The following FAM81B variants were observed in gnomAD, a reference collection of about 807,000 sequenced individuals.
FAM81B encodes the protein family with sequence similarity 81 member B.
In FAM81B, 60 loss-of-function variants were observed where a neutral mutation model predicts 58.7. That is an observed-to-expected ratio of 1.02 (90% CI 0.83 to 1.27). The LOEUF is 1.27. Among genes scored for constraint, FAM81B ranks in the 50% most tolerant of loss-of-function variants. The pLI is 0.00. For synonymous variants in FAM81B, 189 were observed against 179.6 expected, an observed-to-expected ratio of 1.05 and a Z score of -0.42; for missense variants, 491 against 522.0, an observed-to-expected ratio of 0.94 and a Z score of 0.58.
At chr5:95,422,339 C>T (rs1762708260) in intron 5 of FAM81B, among the ~76,000 whole-genome samples, 1 of 150,380 alleles carries the variant, frequency 6.6e-6, no homozygotes. Context: ...ATATTTATTT[C>T]ATTAATATTT....
Position 95,423,205 on chromosome 5 carries a change from A to G in FAM81B, c.656+2803A>G, listed in dbSNP as rs142042348. On this transcript the variant is annotated intron_variant, in intron 5 of 9. Transcript: ENST00000283357. ...TTTTACTGCTCCATAAATCAGTCTC[A>G]ATATTTAATAACTACAATGAGATTT... 7.0e-3 allele frequency among the ~76,000 whole-genome samples: 1,073 copies of G among 152,350 alleles called. 6 individuals carry two copies. The highest frequency in any genetic ancestry group is 9.8e-3 in the Non-Finnish European group (665 of 68,016).
intron 7 of FAM81B, among the ~76,000 whole-genome samples, chr5:95,446,165 C>T (rs188438301): frequency 1.7e-4 from 26 of 152,282 alleles, no homozygotes; most frequent in Admixed American, 1.1e-3. Flanking sequence ...TGACAGACAA[C>T]GCCTAGCATG....
Position 95,420,303 on chromosome 5 carries a change from G to A in FAM81B, c.557G>A (p.Arg186Lys). The change falls in exon 5 of 10, where the codon AGA (arginine) becomes AAA (lysine). Residue 186 changes from arginine (R) to lysine (K), a missense_variant. Coordinates refer to ENST00000283357, the MANE Select transcript of FAM81B (RefSeq NM_152548.3). ...QNIEILEDQI[R>K]ARDQAATGTN... is the part of the protein sequence containing the mutation. ...TTACAGATTTTAGAAGACCAAATAA[G>A]AGCTCGAGATCAGGCGGCCACAGGA... The A allele has an allele frequency of 6.2e-7, 1 of 1,613,708 alleles. No individual in the cohort carries two copies. The highest frequency in any genetic ancestry group is 8.5e-7 in the Non-Finnish European group (1 of 1,179,752).
At chr5:95,433,365 A>G (rs951533930) in intron 6 of FAM81B, among the ~76,000 whole-genome samples, 1 of 152,162 alleles carries the variant, frequency 6.6e-6, no homozygotes, top group African/African-American at 2.4e-5. Context: ...CTCACTCACT[A>G]TAATGAGAAT....
chr5:95,434,262 T>C (rs1044079148), intron 6 of FAM81B, among the ~76,000 whole-genome samples: 2 of 152,192 alleles, frequency 1.3e-5, no homozygotes, highest in Non-Finnish European at 2.9e-5. Context: ...TCATTCAAAC[T>C]TTTGAATCCA....
At chr5:95,400,439 C>CGT (rs113048975) in intron 3 of FAM81B, among the ~76,000 whole-genome samples, 5,894 of 151,726 alleles carry the variant, frequency 0.039, 277 homozygotes, top group African/African-American at 0.12. Context: ...TACATACACA[C>CGT]ACACACACAC....
At chr5:95,411,688 T>C (rs976553209) in intron 3 of FAM81B, among the ~76,000 whole-genome samples, 1 of 152,208 alleles carries the variant, frequency 6.6e-6, no homozygotes, top group Non-Finnish European at 1.5e-5. Context: ...CACTACGGCA[T>C]ATGCAATTGC....
chr5:95,403,077 G>A lies in FAM81B; in HGVS notation c.293+6902G>A, dbSNP rs370515098. ...TTATATATCCTGCCTTATATTATTC[G>A]CTGATTCACATGACCAGTCTTGAAC... On this transcript the variant is annotated intron_variant, in intron 3 of 9. Coordinates refer to ENST00000283357, the MANE Select transcript of FAM81B (RefSeq NM_152548.3). Among the ~76,000 whole-genome samples, 230 of 152,212 alleles carry A rather than the reference G, an allele frequency of 1.5e-3. 2 individuals carry two copies. The South Asian group carries it at 0.024, about 16-fold the overall frequency.
At chr5:95,426,469 A>G (rs1490531736) in intron 5 of FAM81B, among the ~76,000 whole-genome samples, 1 of 152,116 alleles carries the variant, frequency 6.6e-6, no homozygotes, top group Non-Finnish European at 1.5e-5. Flanking sequence ...AATAAATCAT[A>G]TCTGCTAATC....
chr5:95,429,114 T>G (rs1744755670), intron 6 of FAM81B, among the ~76,000 whole-genome samples: 1 of 152,218 alleles, frequency 6.6e-6, no homozygotes, highest in Non-Finnish European at 1.5e-5. Context: ...GAATTGTTCA[T>G]GTTACATCCC....
chr5:95,426,876 G>A (rs561873130), intron 5 of FAM81B, among the ~76,000 whole-genome samples: 6 of 152,160 alleles, frequency 3.9e-5, no homozygotes, highest in Non-Finnish European at 8.8e-5. Context: ...GTGAAACCCC[G>A]TCTCTACTAA....
At chr5:95,449,709 G>A (rs533613576) in intron 9 of FAM81B, among the ~76,000 whole-genome samples, 76 of 152,244 alleles carry the variant, frequency 5.0e-4, no homozygotes, top group African/African-American at 1.8e-3. Context: ...GGAGGGAGGA[G>A]GGCAGCAGGG....
intron 3 of FAM81B, among the ~76,000 whole-genome samples, chr5:95,398,311 C>T (rs1007946872): frequency 2.6e-5 from 4 of 151,942 alleles, no homozygotes; most frequent in East Asian, 1.9e-4. Flanking sequence ...CCCAGCTACT[C>T]GAGAGGCTGA....
intron 3 of FAM81B, among the ~76,000 whole-genome samples, chr5:95,409,486 T>TTTTTTTTTTTTTTTTTTTTTGAG (rs1554043553): frequency 7.9e-4 from 120 of 151,360 alleles, no homozygotes; most frequent in African/African-American, 2.7e-3. Flanking sequence ...GAATTTTTCT[T>TTTTTTTTTTTTTTTTTTTTTGAG]AATGTGGCTA....
chr5:95,394,932 C>T (rs1453854904), intron 2 of FAM81B, among the ~76,000 whole-genome samples: 1 of 152,098 alleles, frequency 6.6e-6, no homozygotes, highest in Admixed American at 6.5e-5. Context: ...AAAAGGAATG[C>T]TTTCTGTATG....
At chr5:95,424,336 C>T in intron 5 of FAM81B, 1 of 896,568 alleles carries the variant, frequency 1.1e-6, no homozygotes, top group African/African-American at 1.7e-5. Context: ...AAAACATAAG[C>T]AAAAGACTAG....
chr5:95,401,001 T>C (rs1345111972), intron 3 of FAM81B, among the ~76,000 whole-genome samples: 1 of 126,526 alleles, frequency 7.9e-6, no homozygotes, highest in Non-Finnish European at 1.6e-5. Flanking sequence ...ACTCCCAACA[T>C]CATCAAAACA....
rs1024240969 is a variant in FAM81B at position 95,436,962 on chromosome 5, A to G, written c.893+56A>G. On this transcript the variant is annotated intron_variant, in intron 7 of 9. Transcript: ENST00000283357. ...AAGTGCATTCCAAAGAGTTTTGCCT[A>G]ATGAAAGCATTGGCATGAAATAAAA... 7.9e-5 allele frequency: 109 copies of G among 1,381,402 alleles called. 1 individual carries two copies. Among genetic ancestry groups the G allele is most frequent in the South Asian group, 7.2e-4 (61 of 84,244 alleles). The allele number at this position is 1,381,402 out of a possible 1,614,324, so 85.6% of individuals were successfully genotyped here.
intron 7 of FAM81B, among the ~76,000 whole-genome samples, chr5:95,441,916 T>G (rs538285130): frequency 6.6e-6 from 1 of 152,348 alleles, no homozygotes; most frequent in South Asian, 2.1e-4. Flanking sequence ...AACAAGGGTT[T>G]GGCAGGGGCA....
Sources: allele counts gnomAD v4.1 joint callset (sites outside exome capture counted in the v4.1 genomes callset), GRCh38; gene constraint gnomAD v4.1.1; transcripts MANE v1.5; gene names NCBI Gene and HGNC (gene_info 2026-07-23, HGNC 2026-07-21).